Variants in MND1 observed in about 807,000 individuals in gnomAD.
MND1 encodes meiotic nuclear division protein 1 homolog.
MND1 carries 28 observed loss-of-function variants against 35.1 expected under a neutral mutation model. The ratio of observed to expected loss-of-function variants is 0.80; its 90% CI spans 0.59 to 1.09. The LOEUF is 1.09. Ranked by LOEUF, MND1 falls within the 50% of genes least tolerant of loss-of-function variation. The probability of loss-of-function intolerance (pLI) is 0.00; values close to 1 mark genes in which losing one functional copy is unlikely to be tolerated. For synonymous variants in MND1, 69 were observed against 70.5 expected (o/e 0.98, Z 0.11); for missense variants, 213 against 239.6 (o/e 0.89, Z 0.73).
At chr4:153,388,144 T>G (rs1358943331) in intron 4 of MND1, among the ~76,000 whole-genome samples, 1 of 152,170 alleles carries the variant, frequency 6.6e-6, no homozygotes, top group African/African-American at 2.4e-5. Context: ...TCTGTATAGG[T>G]GACCTGGAAT....
intron 4 of MND1, among the ~76,000 whole-genome samples, chr4:153,375,076 C>T (rs1728462710): frequency 6.6e-6 from 1 of 152,082 alleles, no homozygotes; most frequent in Non-Finnish European, 1.5e-5. Flanking sequence ...TTAATGTATA[C>T]TCAGTGCCAA....
chr4:153,391,160 T>G (rs1038692434), intron 4 of MND1, among the ~76,000 whole-genome samples: 2 of 152,010 alleles, frequency 1.3e-5, no homozygotes, highest in Non-Finnish European at 2.9e-5. Flanking sequence ...ATTAACTTCT[T>G]TTTTTAAATT....
In MND1 at chr4:153,350,146, A is replaced by C; in HGVS notation, c.69+17A>C. 8 of 1,568,360 alleles carry C rather than the reference A, an allele frequency of 5.1e-6. No individual in the cohort carries two copies. The highest frequency in any genetic ancestry group is 7.0e-6 in the Non-Finnish European group (8 of 1,146,548). On this transcript the variant is annotated intron_variant, in intron 2 of 7. Coordinates refer to ENST00000240488, the MANE Select transcript of MND1 (RefSeq NM_032117.4). ...TCTGAAACAGTAAGTCATTTTCTTTAACACTTATAATTTTGTGTAATTTTC... is the reference window on the plus strand; with the variant it reads ...TCTGAAACAGTAAGTCATTTTCTTTCACACTTATAATTTTGTGTAATTTTC...
At chr4:153,381,660 A>T (rs1187942963) in intron 4 of MND1, 1 of 102,182 alleles carries the variant, frequency 9.8e-6, no homozygotes, top group Non-Finnish European at 1.9e-5. Context: ...TATAATATAT[A>T]TAATATAATA....
intron 6 of MND1, among the ~76,000 whole-genome samples, chr4:153,400,480 G>C (rs985607913): frequency 2.0e-5 from 3 of 152,172 alleles, no homozygotes; most frequent in Admixed American, 1.3e-4. Flanking sequence ...TTTAGGCTAG[G>C]AGTTTGAGAT....
chr4:153,381,213 A>G (rs1392944424), intron 4 of MND1, among the ~76,000 whole-genome samples: 2 of 151,866 alleles, frequency 1.3e-5, no homozygotes, highest in African/African-American at 2.4e-5. Flanking sequence ...ATTTATTTTT[A>G]TATTTATTGT....
intron 4 of MND1, among the ~76,000 whole-genome samples, chr4:153,365,489 CAGAT>C (rs1382812380): frequency 6.6e-6 from 1 of 152,026 alleles, no homozygotes; most frequent in Non-Finnish European, 1.5e-5. Context: ...GCAGGGAGAT[CAGAT>C]AGGTTATTGG....
intron 4 of MND1, among the ~76,000 whole-genome samples, chr4:153,364,205 A>G (rs1773566606): frequency 6.6e-6 from 1 of 152,094 alleles, no homozygotes; most frequent in Non-Finnish European, 1.5e-5. Context: ...TGGCTCCTCA[A>G]AGAGTTATAA....
chr4:153,355,130 C>T (rs2149631193), intron 2 of MND1, among the ~76,000 whole-genome samples: 1 of 151,442 alleles, frequency 6.6e-6, no homozygotes, highest in Admixed American at 6.6e-5. Flanking sequence ...TGCCACTGTA[C>T]TCCCATCTGG....
chr4:153,404,405 A>G (rs1361004702), intron 6 of MND1, among the ~76,000 whole-genome samples: 1 of 140,830 alleles, frequency 7.1e-6, no homozygotes, highest in Non-Finnish European at 1.5e-5. Flanking sequence ...GTTGGCCAGG[A>G]TGGTCTCGAT....
intron 1 of MND1, 56 bp downstream of exon 1, chr4:153,344,796 C>T: frequency 1.3e-6 from 2 of 1,586,074 alleles, no homozygotes; most frequent in Non-Finnish European, 8.6e-7. Flanking sequence ...GTGGGCTTCG[C>T]CGCCCCTCGG....
At chr4:153,348,559 A>G (rs11722419) in intron 1 of MND1, among the ~76,000 whole-genome samples, 28,404 of 152,170 alleles carry the variant, frequency 0.19, 2,817 homozygotes, top group African/African-American at 0.25. Context: ...GAGGAAGAAG[A>G]GAAAAATATA....
At chr4:153,389,761 G>A (rs940441288) in intron 4 of MND1, among the ~76,000 whole-genome samples, 10 of 152,054 alleles carry the variant, frequency 6.6e-5, no homozygotes, top group African/African-American at 2.4e-4. Flanking sequence ...TCTACTTCAG[G>A]CTACAGTATT....
At chr4:153,359,660 A>G (rs1773431079) in intron 4 of MND1, among the ~76,000 whole-genome samples, 1 of 152,116 alleles carries the variant, frequency 6.6e-6, no homozygotes, top group African/African-American at 2.4e-5. Context: ...ATTGGTTCAC[A>G]TCACTGCCAG....
intron 4 of MND1, among the ~76,000 whole-genome samples, chr4:153,382,338 A>G (rs930461696): frequency 3.3e-5 from 5 of 152,216 alleles, no homozygotes; most frequent in Non-Finnish European, 7.3e-5. Flanking sequence ...TTGGTTTACC[A>G]TCAATCTTTG....
At chr4:153,372,555 C>T (rs1408251410) in intron 4 of MND1, among the ~76,000 whole-genome samples, 1 of 152,092 alleles carries the variant, frequency 6.6e-6, no homozygotes, top group African/African-American at 2.4e-5. Context: ...ATTGAACATA[C>T]CAATCAACCC....
At chr4:153,367,912 T>A (rs771463274) in intron 4 of MND1, among the ~76,000 whole-genome samples, 1 of 152,214 alleles carries the variant, frequency 6.6e-6, no homozygotes, top group African/African-American at 2.4e-5. Flanking sequence ...TGGTTTTGGC[T>A]TCCATTTCTC....
At chr4:153,344,864 C>G in intron 1 of MND1, 124 bp downstream of exon 1, 2 of 1,480,620 alleles carry the variant, frequency 1.4e-6, no homozygotes, top group Non-Finnish European at 1.8e-6. Context: ...GAGCGGTCGC[C>G]CGGCTCTCGG....
chr4:153,383,929 T>C (rs538424850), intron 4 of MND1, among the ~76,000 whole-genome samples: 2 of 152,340 alleles, frequency 1.3e-5, no homozygotes, highest in South Asian at 4.1e-4. Flanking sequence ...TTAGCCCTCA[T>C]CTCTGAATTT....
Sources: allele counts gnomAD v4.1 joint callset (sites outside exome capture counted in the v4.1 genomes callset), GRCh38; gene constraint gnomAD v4.1.1; transcripts MANE v1.5; gene names NCBI Gene and HGNC (gene_info 2026-07-23, HGNC 2026-07-21).